The following LILRA1 variants were observed in gnomAD, a reference collection of about 807,000 sequenced individuals.
The protein encoded by LILRA1 is leukocyte immunoglobulin-like receptor subfamily A member 1.
Under a neutral mutation model 51.6 loss-of-function variants are expected in LILRA1, and 51 were observed. The ratio of observed to expected loss-of-function variants is 0.99; its 90% CI spans 0.79 to 1.25. LILRA1 has a LOEUF of 1.25. Among genes scored for constraint, LILRA1 ranks in the 50% most tolerant of loss-of-function variants. The pLI is 0.00. For missense variants in LILRA1, 660 were observed against 611.7 expected, an observed-to-expected ratio of 1.08 and a Z score of -0.83; for synonymous variants, 305 against 248.4, an observed-to-expected ratio of 1.23 and a Z score of -2.14.
rs781099508 is a variant in LILRA1 at position 54,594,765 on chromosome 19, G to A, written c.171G>A (p.Glu57=). ...GTCAGGGGATCCTGGAGACCCAGGA[G>A]TACCGTCTGTATAGAGAAAAGAAAA... The part of the protein sequence containing the change: ...LWCQGILETQ[E]YRLYREKKTA... Residue 57 remains glutamate, a synonymous_variant, in exon 4 of 10, where the codon GAG becomes GAA. Coordinates refer to ENST00000251372, the MANE Select transcript of LILRA1 (RefSeq NM_006863.4). 3.7e-6 allele frequency: 6 copies of A among 1,614,142 alleles called. No homozygotes were observed. The Admixed American group carries it at 8.3e-5, about 22-fold the overall frequency.
At chr19:54,594,549 G>A (rs958572000) in intron 3 of LILRA1, 73 bp downstream of exon 3, 2 of 1,613,768 alleles carry the variant, frequency 1.2e-6, no homozygotes, top group Non-Finnish European at 1.7e-6. Context: ...TGCAGCTGGG[G>A]ATGGGGAATA....
Position 54,595,644 on chromosome 19 carries a change from T to C in LILRA1, c.667T>C (p.Ser223Pro), listed in dbSNP as rs768810985. The C allele has an allele frequency of 6.2e-7, 1 of 1,605,764 alleles. No individual in the cohort carries two copies. Among genetic ancestry groups the C allele is most frequent in the Non-Finnish European group, 8.5e-7 (1 of 1,174,260 alleles). Residue 223 changes from serine to proline, a missense_variant, in exon 6 of 10, where the codon TCT (serine) becomes CCT (proline). Coordinates refer to ENST00000251372, the MANE Select transcript of LILRA1 (RefSeq NM_006863.4). ...DLLELLVLGV[S>P]KKPSLSVQPG... ...CCATGAGCACCTTTTCCCAGGTGTT[T>C]CTAAGAAGCCATCACTCTCAGTGCA...
intron 8 of LILRA1, 177 bp downstream of exon 8, chr19:54,599,463 A>G: frequency 7.9e-7 from 1 of 1,267,192 alleles, no homozygotes; most frequent in Non-Finnish European, 1.0e-6. Flanking sequence ...CATTTTTAAA[A>G]TAAGAGATAA....
intron 7 of LILRA1, among the ~76,000 whole-genome samples, chr19:54,598,038 G>A (rs1434967096): frequency 1.3e-5 from 2 of 151,490 alleles, no homozygotes; most frequent in Admixed American, 1.3e-4. Context: ...ATCCCACCAA[G>A]GCTCTGTGCT....
chr19:54,595,069 C>T (rs1157563432), intron 4 of LILRA1, 31 bp from the exon 5 acceptor site: 1 of 1,605,014 alleles, frequency 6.2e-7, no homozygotes, highest in African/African-American at 1.3e-5. Context: ...GGTGTGAGCC[C>T]CATTTAACAT....
rs752098531 is a variant in LILRA1, at chr19:54,596,229, C to A, written c.999C>A (p.Gly333=). ...RGRPFISVHP[G]PTVASGENVT... ...GACCCTTCATCTCGGTGCATCCGGGCCCCACGGTGGCCTCAGGAGAGAACG... is the reference window on the plus strand; with the variant it reads ...GACCCTTCATCTCGGTGCATCCGGGACCCACGGTGGCCTCAGGAGAGAACG... The change falls in exon 7 of 10, where the codon GGC becomes GGA. Residue 333 remains glycine, a synonymous_variant. Transcript: ENST00000251372. 1.9e-6 allele frequency: 3 copies of A among 1,614,056 alleles called. No individual in the cohort carries two copies. Among genetic ancestry groups the A allele is most frequent in the South Asian group, 1.1e-5 (1 of 91,070 alleles).
rs548810299 is a variant in LILRA1, at chr19:54,595,244, T to G, written c.503T>G (p.Leu168Arg). The G allele has an allele frequency of 8.2e-5, 132 of 1,614,074 alleles. 1 individual carries two copies. In the South Asian group the frequency reaches 1.4e-3, roughly 17 times the overall value. Residue 168 changes from leucine (L) to arginine (R), a missense_variant, in exon 5 of 10, where the codon CTG (leucine) becomes CGG (arginine). Leu to Arg is a moderately radical substitution (Grantham distance 102). Transcript: ENST00000251372. ...GGAGAAGATGAACACCCACAATGCC[T>G]GAACTCACAGCCCCGTACCCATGGG... ...KEGEDEHPQCLNSQPRTHGWS... is the reference protein window; with the variant it reads ...KEGEDEHPQCRNSQPRTHGWS...
At chr19:54,600,442 G>C in intron 8 of LILRA1, 70 bp from the exon 9 acceptor site, 6 of 1,492,262 alleles carry the variant, frequency 4.0e-6, no homozygotes, top group Non-Finnish European at 2.8e-6. Context: ...GAAGACATAG[G>C]GGAAGATAAG....
chr19:54,600,733 C>T lies in LILRA1; in HGVS notation c.1386C>T (p.Leu462=), dbSNP rs1318021078. 1 of 1,614,112 alleles carries T rather than the reference C, an allele frequency of 6.2e-7. No homozygotes were observed. The highest frequency in any genetic ancestry group is 2.2e-5 in the East Asian group (1 of 44,880). ...CCCAGGATTACACAGTGGAGAATCT[C>T]ATCCGCATGGGCATAGCTGGCTTGG... ...SHPQDYTVEN[L]IRMGIAGLVL... is the part of the protein sequence containing the mutation. Residue 462 remains leucine, a synonymous_variant, in exon 10 of 10, where the codon CTC becomes CTT. Coordinates refer to ENST00000251372, the MANE Select transcript of LILRA1 (RefSeq NM_006863.4).
intron 8 of LILRA1, 151 bp from the exon 9 acceptor site, chr19:54,600,361 C>G (rs2063141782): frequency 2.8e-6 from 2 of 719,216 alleles, no homozygotes; most frequent in African/African-American, 1.8e-5. Context: ...TGAAATAATT[C>G]AATAAGGACA....
At position 54,595,876 on chromosome 19, in the gene LILRA1, C is replaced by T. The variant is rs2063037297; in HGVS notation, c.899C>T (p.Ala300Val). 1 of 1,613,914 alleles carries T rather than the reference C, an allele frequency of 6.2e-7. No homozygotes were observed. The highest frequency in any genetic ancestry group is 8.5e-7 in the Non-Finnish European group (1 of 1,179,980). The change falls in exon 6 of 10, where the codon GCA (alanine) becomes GTA (valine). Residue 300 changes from alanine (A) to valine (V), a missense_variant. Ala to Val is a moderately conservative substitution (Grantham distance 64). Transcript: ENST00000251372. ...GGGGGCCAGTACAGATGCTCCGGTG[C>T]ATACAACCTCTCCTCCGAGTGGTCG... The part of the protein sequence containing the change: ...SYGGQYRCSG[A>V]YNLSSEWSAP...
rs2063153929 is a variant in LILRA1, at chr19:54,601,040, C to T, written c.*223C>T. 2 of 606,762 alleles carry T rather than the reference C, an allele frequency of 3.3e-6. No individual in the cohort carries two copies. Among genetic ancestry groups the T allele is most frequent in the Non-Finnish European group, 5.8e-6 (2 of 342,626 alleles). 37.6% of individuals were successfully genotyped at this position (606,762 alleles called of 1,614,324 possible). ...ACCATTAACCTGTGATACCTTTCCT[C>T]TCTATTAATGTTGACTTCCCTTGGT... On this transcript the variant is annotated 3_prime_UTR_variant, in exon 10 of 10. Transcript: ENST00000251372.
intron 7 of LILRA1, among the ~76,000 whole-genome samples, chr19:54,598,608 T>C (rs558090637): frequency 8.5e-5 from 13 of 152,294 alleles, no homozygotes; most frequent in African/African-American, 3.1e-4. Context: ...TTTAAATTGT[T>C]AATTTAGATT....
At chr19:54,596,037 G>A in intron 6 of LILRA1, 102 bp downstream of exon 6, 2 of 1,429,476 alleles carry the variant, frequency 1.4e-6, no homozygotes, top group South Asian at 2.6e-5. Flanking sequence ...GGGTCCCAAG[G>A]GAGGGAGAGA....
In LILRA1 at chr19:54,594,905, C is replaced by A; in HGVS notation, c.311C>A (p.Thr104Asn). Residue 104 changes from threonine to asparagine, a missense_variant, in exon 4 of 10, where the codon ACT becomes AAT. Transcript: ENST00000251372. ...GRYRCFYGSHTAGWSEPSDPL... is the reference protein window; with the variant it reads ...GRYRCFYGSHNAGWSEPSDPL... Reference sequence around the variant, plus strand: ...TATCGCTGTTTCTACGGTAGCCACACTGCAGGCTGGTCAGAGCCCAGTGAC... The same window carrying A: ...TATCGCTGTTTCTACGGTAGCCACAATGCAGGCTGGTCAGAGCCCAGTGAC... 1 of 1,614,142 alleles carries A rather than the reference C, an allele frequency of 6.2e-7. No individual in the cohort carries two copies. Among genetic ancestry groups the A allele is most frequent in the African/African-American group, 1.3e-5 (1 of 75,046 alleles).
intron 7 of LILRA1, among the ~76,000 whole-genome samples, chr19:54,597,625 T>A (rs1403604987): frequency 6.6e-6 from 1 of 151,850 alleles, no homozygotes; most frequent in Admixed American, 6.6e-5. Context: ...ATGCTGGGGC[T>A]GATGGAGGAG....
At chr19:54,595,532 G>A (rs1419287491) in intron 5 of LILRA1, 107 bp from the exon 6 acceptor site, 17 of 1,541,160 alleles carry the variant, frequency 1.1e-5, no homozygotes, top group African/African-American at 1.4e-5. Flanking sequence ...GGGCTCCTGG[G>A]GCCGGAGACA....
intron 7 of LILRA1, among the ~76,000 whole-genome samples, chr19:54,598,395 C>T (rs2063102895): frequency 6.6e-6 from 1 of 151,976 alleles, no homozygotes; most frequent in Non-Finnish European, 1.5e-5. Context: ...CCTTAACGAA[C>T]TTCAGAAATG....
chr19:54,597,877 C>T (rs1234179316), intron 7 of LILRA1, among the ~76,000 whole-genome samples: 1 of 151,524 alleles, frequency 6.6e-6, no homozygotes, highest in Non-Finnish European at 1.5e-5. Flanking sequence ...TGCCAGGGAG[C>T]AAGTGCACGG....
Sources: allele counts gnomAD v4.1 joint callset (sites outside exome capture counted in the v4.1 genomes callset), GRCh38; gene constraint gnomAD v4.1.1; transcripts MANE v1.5; gene names NCBI Gene and HGNC (gene_info 2026-07-23, HGNC 2026-07-21).